The following SPARC variants were observed in gnomAD, a reference collection of about 807,000 sequenced individuals.
SPARC encodes the protein basement-membrane protein 40.
SPARC carries 23 observed loss-of-function variants against 37.7 expected under a neutral mutation model. That is an observed-to-expected ratio of 0.61 (90% CI 0.44 to 0.87). The LOEUF is 0.87. SPARC is among the 40% of genes least tolerant of loss of function. The probability of loss-of-function intolerance (pLI) is 0.00; values close to 1 mark genes in which losing one functional copy is unlikely to be tolerated. For synonymous variants in SPARC, 155 were observed against 150.8 expected, an observed-to-expected ratio of 1.03 and a Z score of -0.20; for missense variants, 312 against 389.0, an observed-to-expected ratio of 0.80 and a Z score of 1.66.
At chr5:151,684,819 G>T (rs938875529) in intron 1 of SPARC, among the ~76,000 whole-genome samples, 1 of 152,142 alleles carries the variant, frequency 6.6e-6, no homozygotes, top group African/African-American at 2.4e-5. Flanking sequence ...CCAGAAAGAA[G>T]TATTAGTTCA....
chr5:151,671,659 C>T lies in SPARC; in HGVS notation c.244G>A (p.Val82Met), dbSNP rs1173041823. The change falls in exon 5 of 10, where the codon GTG (valine) becomes ATG (methionine). Residue 82 changes from valine to methionine, a missense_variant. By Grantham distance (21) the Val-to-Met change is conservative (BLOSUM62 1). Transcript: ENST00000231061. ...CQNHHCKHGK[V>M]CELDENNTPM... ...GTGTTGTTCTCATCCAGCTCGCACA[C>T]CTTGCCGTGTTTGCAGTGGTGGTTC... 1.2e-6 allele frequency: 2 copies of T among 1,613,394 alleles called. No homozygotes were observed. The highest frequency in any genetic ancestry group is 1.7e-6 in the Non-Finnish European group (2 of 1,179,594).
intron 8 of SPARC, among the ~76,000 whole-genome samples, chr5:151,665,517 A>G (rs1315724796): frequency 3.3e-5 from 5 of 151,892 alleles, no homozygotes; most frequent in Non-Finnish European, 4.4e-5. Flanking sequence ...TGAGTATGTG[A>G]GTAGGGCAGC....
intron 1 of SPARC, among the ~76,000 whole-genome samples, chr5:151,684,620 A>G (rs2113124718): frequency 6.6e-6 from 1 of 152,026 alleles, no homozygotes; most frequent in East Asian, 1.9e-4. Context: ...AAAAAAAAAA[A>G]AAAGCTGAGA....
At position 151,669,674 on chromosome 5, in the gene SPARC, C is replaced by A; in HGVS notation, c.441G>T (p.Gly147=). The A allele has an allele frequency of 6.2e-7, 1 of 1,614,186 alleles. No individual in the cohort carries two copies. The highest frequency in any genetic ancestry group is 1.1e-5 in the South Asian group (1 of 91,090). Residue 147 remains glycine, a synonymous_variant, in exon 6 of 10, where the codon GGG becomes GGT. Coordinates refer to ENST00000231061, the MANE Select transcript of SPARC (RefSeq NM_003118.4). ...CCCAAGGACACTCACATTTGCAAGG[C>A]CCGATGTAGTCCAGGTGGAGCTTGT... The part of the protein sequence containing the change: ...KGHKLHLDYI[G]PCKYIPPCLD...
In SPARC at chr5:151,673,135, C is replaced by A; in HGVS notation, c.202G>T (p.Ala68Ser). The change falls in exon 4 of 10, where the codon GCG becomes TCG. Residue 68 changes from alanine to serine, a missense_variant. Ala to Ser is a moderately conservative substitution (Grantham distance 99). Coordinates refer to ENST00000231061, the MANE Select transcript of SPARC (RefSeq NM_003118.4). ...TTACAGGGAAGGGACATACTTTCCG[C>A]CACCACCTCCTCTTCGGTTTCCTCT... is the stretch of plus-strand genomic sequence containing the variant. ...GAEETEEEVV[A>S]ENPCQNHHCK... 2.5e-6 allele frequency: 4 copies of A among 1,613,152 alleles called. No individual in the cohort carries two copies. Among genetic ancestry groups the A allele is most frequent in the Non-Finnish European group, 3.4e-6 (4 of 1,179,060 alleles).
intron 2 of SPARC, among the ~76,000 whole-genome samples, chr5:151,675,646 C>T (rs1380580256): frequency 6.6e-6 from 1 of 152,202 alleles, no homozygotes; most frequent in East Asian, 1.9e-4. Context: ...TCCCCAAGGC[C>T]TTTAATATTA....
At chr5:151,681,385 T>C (rs1395797963) in intron 1 of SPARC, among the ~76,000 whole-genome samples, 2 of 152,238 alleles carry the variant, frequency 1.3e-5, no homozygotes, top group African/African-American at 4.8e-5. Flanking sequence ...CCCAGCTCAC[T>C]GTGCGAATTC....
Position 151,669,713 on chromosome 5 carries a change from G to A in SPARC, c.402C>T (p.Gly134=), listed in dbSNP as rs11542495. The change falls in exon 6 of 10, where the codon GGC becomes GGT. Residue 134 remains glycine, a synonymous_variant. Coordinates refer to ENST00000231061, the MANE Select transcript of SPARC (RefSeq NM_003118.4). ...HFFATKCTLE[G]TKKGHKLHLD... ...GGTGGAGCTTGTGGCCCTTCTTGGT[G>A]CCCTCCAGGGTGCACTTTGTGGCAA... The A allele has an allele frequency of 6.2e-7, 1 of 1,614,186 alleles. No homozygotes were observed. Among genetic ancestry groups the A allele is most frequent in the East Asian group, 2.2e-5 (1 of 44,888 alleles).
intron 1 of SPARC, among the ~76,000 whole-genome samples, chr5:151,684,778 TACTGTTCTTTA>T (rs1401351156): frequency 3.3e-5 from 5 of 152,136 alleles, no homozygotes; most frequent in African/African-American, 1.2e-4. Context: ...TGGCTGCTGT[TACTGTTCTTTA>T]ACTGTAGAGG....
intron 1 of SPARC, among the ~76,000 whole-genome samples, chr5:151,680,120 T>G (rs1261674209): frequency 6.6e-6 from 1 of 151,826 alleles, no homozygotes; most frequent in Non-Finnish European, 1.5e-5. Flanking sequence ...ATTTTTTTAT[T>G]TAAAAATTTT....
At chr5:151,684,136 T>C (rs1360073010) in intron 1 of SPARC, among the ~76,000 whole-genome samples, 1 of 152,212 alleles carries the variant, frequency 6.6e-6, no homozygotes, top group Non-Finnish European at 1.5e-5. Flanking sequence ...TACAGATGGA[T>C]AAGGATTACA....
At position 151,674,793 on chromosome 5, in the gene SPARC, C is replaced by T. The variant is rs889466633; in HGVS notation, c.58-119G>A. The T allele has an allele frequency of 3.2e-6, 3 of 926,526 alleles. No individual in the cohort carries two copies. The African/African-American group carries it at 5.0e-5, about 15-fold the overall frequency. The allele number at this position is 926,526 out of a possible 1,614,324, so 57.4% of individuals were successfully genotyped here. A position where few individuals can be genotyped will look rare whatever the true frequency, so the allele number is the denominator to read the frequency against. On this transcript the variant is annotated intron_variant, in intron 2 of 9. Transcript: ENST00000231061. ...CTTGGAGAGCAGCTTACTGGAGATC[C>T]CCAAAGTTGTGCCTCATGGACTGCC...
At chr5:151,667,816 T>A (rs1002161227) in intron 6 of SPARC, among the ~76,000 whole-genome samples, 4 of 152,236 alleles carry the variant, frequency 2.6e-5, no homozygotes, top group African/African-American at 9.6e-5. Flanking sequence ...TGGCTGCTGC[T>A]TTCCTCAGCC....
intron 6 of SPARC, 90 bp from the exon 7 acceptor site, chr5:151,667,690 AT>A: frequency 6.9e-7 from 1 of 1,444,460 alleles, no homozygotes; most frequent in Non-Finnish European, 9.3e-7. Context: ...TACCACCTGC[AT>A]TGGTGGCCTT....
At chr5:151,666,324 C>A in intron 8 of SPARC, 37 bp downstream of exon 8, 2 of 1,595,708 alleles carry the variant, frequency 1.3e-6, no homozygotes, top group Non-Finnish European at 1.7e-6. Flanking sequence ...CACCTGCCAG[C>A]CTTGAGCTCT....
At chr5:151,666,654 G>T in intron 7 of SPARC, 145 bp from the exon 8 acceptor site, 1 of 649,104 alleles carries the variant, frequency 1.5e-6, no homozygotes, top group South Asian at 2.0e-5. Flanking sequence ...TGTCATAGAT[G>T]GGTACTAGCA....
intron 5 of SPARC, 28 bp downstream of exon 5, chr5:151,671,544 TC>T (rs761510257): frequency 1.1e-5 from 17 of 1,536,386 alleles, no homozygotes; most frequent in Non-Finnish European, 1.5e-5. Flanking sequence ...CCCAATCCCT[TC>T]CCCCTGCCCC....
chr5:151,666,481 C>A lies in SPARC; in HGVS notation c.614G>T (p.Arg205Leu), dbSNP rs369034301. The A allele has an allele frequency of 6.8e-6, 11 of 1,614,068 alleles. No homozygotes were observed. Among genetic ancestry groups the A allele is most frequent in the Middle Eastern group, 3.3e-4 (2 of 6,062 alleles). Reference sequence around the variant, plus strand: ...CACGGGGTGGTCTCCTGCCTCCAGGCGCTTCTCATTCTCATGGATCTTCTT... The same window carrying A: ...CACGGGGTGGTCTCCTGCCTCCAGGAGCTTCTCATTCTCATGGATCTTCTT... ...RVKKIHENEK[R>L]LEAGDHPVEL... The change falls in exon 8 of 10, where the codon CGC becomes CTC. Residue 205 changes from arginine to leucine, a missense_variant. Arg to Leu is a moderately radical substitution (Grantham distance 102). Transcript: ENST00000231061.
At chr5:151,665,083 T>C (rs1760592955) in intron 8 of SPARC, among the ~76,000 whole-genome samples, 1 of 152,044 alleles carries the variant, frequency 6.6e-6, no homozygotes, top group Non-Finnish European at 1.5e-5. Context: ...ATAGGAACAT[T>C]CTCCTCCCCT....
Sources: allele counts gnomAD v4.1 joint callset (sites outside exome capture counted in the v4.1 genomes callset), GRCh38; gene constraint gnomAD v4.1.1; transcripts MANE v1.5; gene names NCBI Gene and HGNC (gene_info 2026-07-23, HGNC 2026-07-21).